The following GML variants were observed in gnomAD, a reference collection of about 807,000 sequenced individuals.
GML encodes the protein glycosylphosphatidylinositol anchored molecule like.
In GML, 5 loss-of-function variants were observed where a neutral mutation model predicts 8.2. The ratio of observed to expected loss-of-function variants is 0.61; its 90% CI spans 0.32 to 1.28. GML has a LOEUF of 1.28. Among genes scored for constraint, GML ranks in the 50% most tolerant of loss-of-function variants. The probability of loss-of-function intolerance (pLI) is 0.06; values close to 1 mark genes in which losing one functional copy is unlikely to be tolerated. For missense variants in GML, 191 were observed against 198.3 expected, an observed-to-expected ratio of 0.96 and a Z score of 0.22; for synonymous variants, 72 against 69.0, an observed-to-expected ratio of 1.04 and a Z score of -0.22.
In GML at chr8:142,846,386, T is replaced by C. The variant is rs765766032; in HGVS notation, c.182-9T>C. 7 of 1,561,438 alleles carry C rather than the reference T, an allele frequency of 4.5e-6. 1 individual carries two copies. The Admixed American group carries it at 1.2e-4, about 27-fold the overall frequency. On this transcript the variant is annotated splice_polypyrimidine_tract_variant and intron_variant, in intron 3 of 3. Transcript: ENST00000220940. ...AATCAATTATTTTCATTGCTGCTTC[T>C]TTTTTTAGGCATAAATTCTCGTGAA...
At chr8:142,837,334 G>T (rs1241394906) in intron 1 of GML, among the ~76,000 whole-genome samples, 1 of 150,726 alleles carries the variant, frequency 6.6e-6, no homozygotes, top group Non-Finnish European at 1.5e-5. Flanking sequence ...TTATAAAGAA[G>T]AGAAATAGTA....
intron 1 of GML, among the ~76,000 whole-genome samples, chr8:142,836,679 G>A (rs554453440): frequency 6.6e-6 from 1 of 152,254 alleles, no homozygotes; most frequent in Non-Finnish European, 1.5e-5. Context: ...TGTTACTACT[G>A]GGGATGTGTG....
At position 142,837,979 on chromosome 8, in the gene GML, T is replaced by C. The variant is rs186452020; in HGVS notation, c.-22-2437T>C. ...CGGCACTCTGGTTTGCATTCCCTACTGGAGTCCCTGTCTGTAGCCAGCCTG... is the reference window on the plus strand; with the variant it reads ...CGGCACTCTGGTTTGCATTCCCTACCGGAGTCCCTGTCTGTAGCCAGCCTG... On this transcript the variant is annotated intron_variant, in intron 1 of 3. Coordinates refer to ENST00000220940, the MANE Select transcript of GML (RefSeq NM_002066.3). Among the ~76,000 whole-genome samples, 731 of 147,160 alleles carry C rather than the reference T, an allele frequency of 5.0e-3. 38 individuals are homozygous for C. The highest frequency in any genetic ancestry group is 0.016 in the African/African-American group (596 of 38,186).
At chr8:142,844,543 C>T (rs1277164919) in intron 3 of GML, among the ~76,000 whole-genome samples, 13 of 152,108 alleles carry the variant, frequency 8.5e-5, no homozygotes, top group Admixed American at 3.9e-4. Context: ...GAAAGCATTT[C>T]AAAACATGTA....
At chr8:142,838,863 T>G (rs1816382158) in intron 1 of GML, among the ~76,000 whole-genome samples, 1 of 152,234 alleles carries the variant, frequency 6.6e-6, no homozygotes, top group Admixed American at 6.5e-5. Flanking sequence ...ACAGTTACTG[T>G]GGACTTTCCA....
chr8:142,835,283 G>C (rs1198478261), intron 1 of GML, among the ~76,000 whole-genome samples: 2 of 151,524 alleles, frequency 1.3e-5, no homozygotes, highest in African/African-American at 2.4e-5. Flanking sequence ...CTTCCCTGGG[G>C]CCCCCCTCCC....
intron 1 of GML, 94 bp from the exon 2 acceptor site, chr8:142,840,322 C>T: frequency 1.3e-6 from 1 of 759,436 alleles, no homozygotes; most frequent in Non-Finnish European, 2.3e-6. Context: ...TGGGCAGAGT[C>T]AGGGAGACTC....
chr8:142,836,154 G>A (rs962832469), intron 1 of GML, among the ~76,000 whole-genome samples: 1 of 152,172 alleles, frequency 6.6e-6, no homozygotes, highest in Admixed American at 6.5e-5. Context: ...GGAAACCCTT[G>A]ATTTATAACT....
chr8:142,840,430 G>A lies in GML; in HGVS notation c.-8G>A, dbSNP rs375561355. The A allele has an allele frequency of 1.0e-4, 169 of 1,611,604 alleles. No individual in the cohort carries two copies. Among genetic ancestry groups the A allele is most frequent in the Non-Finnish European group, 1.2e-4 (146 of 1,177,826 alleles). ...CTTCCCTTCAGGTCCAGGCTCCTGC[G>A]TGAAGTGATGCTCCTCTTTGCCTTA... On this transcript the variant is annotated 5_prime_UTR_variant, in exon 2 of 4. It adds an upstream start codon to the 5' untranslated region. Coordinates refer to ENST00000220940, the MANE Select transcript of GML (RefSeq NM_002066.3).
intron 3 of GML, among the ~76,000 whole-genome samples, chr8:142,844,077 A>T (rs199628376): frequency 8.7e-5 from 2 of 23,086 alleles, no homozygotes; most frequent in Non-Finnish European, 1.6e-4. Context: ...TGAACTATCA[A>T]ACCGTTTCCT....
intron 3 of GML, among the ~76,000 whole-genome samples, chr8:142,844,772 A>C (rs1343237669): frequency 2.0e-5 from 3 of 152,236 alleles, no homozygotes; most frequent in Non-Finnish European, 2.9e-5. Flanking sequence ...ATGACTCAGT[A>C]TCCTAAAGTG....
intron 1 of GML, among the ~76,000 whole-genome samples, chr8:142,835,223 C>A (rs1289341577): frequency 6.6e-6 from 1 of 151,782 alleles, no homozygotes; most frequent in African/African-American, 2.4e-5. Context: ...CCAGGGAGAC[C>A]CCCCAACTAT....
chr8:142,835,412 G>C (rs1816325727), intron 1 of GML, among the ~76,000 whole-genome samples: 1 of 152,202 alleles, frequency 6.6e-6, no homozygotes, highest in Non-Finnish European at 1.5e-5. Flanking sequence ...TCCCCAAGGC[G>C]CGGGTCTCGG....
At chr8:142,838,317 T>C (rs398330) in intron 1 of GML, among the ~76,000 whole-genome samples, 59 of 152,002 alleles carry the variant, frequency 3.9e-4, no homozygotes, top group East Asian at 1.2e-3. Flanking sequence ...AACTTGGAGA[T>C]TTTGTTTCTT....
intron 1 of GML, among the ~76,000 whole-genome samples, chr8:142,838,530 C>G (rs1032341825): frequency 1.4e-4 from 22 of 152,074 alleles, no homozygotes; most frequent in African/African-American, 4.8e-4. Context: ...TATGATCACA[C>G]AGTCATACAC....
At chr8:142,843,898 A>G (rs1008535563) in intron 3 of GML, among the ~76,000 whole-genome samples, 3 of 152,244 alleles carry the variant, frequency 2.0e-5, no homozygotes, top group Non-Finnish European at 4.4e-5. Flanking sequence ...GAGTAAGGAT[A>G]TCTCTTCTCC....
chr8:142,835,408 A>G (rs977981088), intron 1 of GML, among the ~76,000 whole-genome samples: 1 of 152,028 alleles, frequency 6.6e-6, no homozygotes, highest in South Asian at 2.1e-4. Flanking sequence ...TGATTCCCCA[A>G]GGCGCGGGTC....
intron 1 of GML, 177 bp downstream of exon 1, chr8:142,835,045 C>T (rs1816312589): frequency 6.8e-6 from 1 of 146,386 alleles, no homozygotes; most frequent in African/African-American, 2.6e-5. Context: ...ACCCCCCGAA[C>T]TCAGCTCCTC....
intron 1 of GML, among the ~76,000 whole-genome samples, chr8:142,836,672 T>C (rs1420944788): frequency 6.6e-6 from 1 of 152,214 alleles, no homozygotes; most frequent in Non-Finnish European, 1.5e-5. Flanking sequence ...GGTTGTATGT[T>C]ACTACTGGGG....
Sources: gnomAD v4.1 joint callset for allele counts (sites outside exome capture counted in the v4.1 genomes callset) on GRCh38, gnomAD v4.1.1 for gene constraint, MANE v1.5 for transcripts, NCBI Gene and HGNC (gene_info 2026-07-23, HGNC 2026-07-21) for gene names.